The following ENTPD4 variants were observed in gnomAD, a reference collection of about 807,000 sequenced individuals.
The protein encoded by ENTPD4 is ectonucleoside triphosphate diphosphohydrolase 4.
In ENTPD4, 60 loss-of-function variants were observed where a neutral mutation model predicts 79.1. That is an observed-to-expected ratio of 0.76 (90% confidence interval 0.62 to 0.94). The LOEUF (loss-of-function observed/expected upper bound fraction) is 0.94, where lower values mean the gene tolerates loss of function less well. Among genes scored for constraint, ENTPD4 ranks in the 40% least tolerant of loss-of-function variants. ENTPD4 has a pLI of 0.00. For synonymous variants in ENTPD4, 276 were observed against 292.0 expected (o/e 0.95, Z 0.56); for missense variants, 772 against 775.1 (o/e 1.00, Z 0.05).
rs1473809612 is a variant in ENTPD4, at chr8:23,431,310, T to C, written c.*1616A>G. The stretch of plus-strand genomic sequence containing the variant: ...TCTGTTATAGCAACAACCCCACTTC[T>C]GGGTACTAATCTGCTACCAACTACA... On this transcript the variant is annotated 3_prime_UTR_variant, in exon 13 of 13. Transcript: ENST00000358689. The C allele has an allele frequency of 1.0e-6, 1 of 981,450 alleles. No individual in the cohort carries two copies. The highest frequency in any genetic ancestry group is 1.2e-6 in the Non-Finnish European group (1 of 826,434). The allele number at this position is 981,450 out of a possible 1,614,324, so 60.8% of individuals were successfully genotyped here.
chr8:23,436,451 G>A (rs966984935), intron 10 of ENTPD4, among the ~76,000 whole-genome samples: 2 of 152,092 alleles, frequency 1.3e-5, no homozygotes, highest in Non-Finnish European at 2.9e-5. Flanking sequence ...CCGGGCAGGG[G>A]TCAGGATTGG....
intron 11 of ENTPD4, 185 bp from the exon 12 acceptor site, chr8:23,434,663 A>G: frequency 7.0e-7 from 1 of 1,429,782 alleles, no homozygotes; most frequent in Non-Finnish European, 9.1e-7. Context: ...CCCTGGTCCC[A>G]CAACATGGAG....
intron 1 of ENTPD4, among the ~76,000 whole-genome samples, chr8:23,450,602 G>A (rs1267667971): frequency 1.3e-5 from 2 of 152,146 alleles, no homozygotes; most frequent in African/African-American, 2.4e-5. Flanking sequence ...CAGCTGTCTC[G>A]TCTGGTCTGC....
At chr8:23,441,428 TCTC>T in intron 8 of ENTPD4, 138 bp downstream of exon 8, 4 of 1,472,388 alleles carry the variant, frequency 2.7e-6, no homozygotes, top group Non-Finnish European at 3.6e-6. Flanking sequence ...GTTCGTCCTG[TCTC>T]CTTTCTCCTG....
intron 5 of ENTPD4, among the ~76,000 whole-genome samples, chr8:23,444,160 G>C (rs937459388): frequency 2.6e-5 from 4 of 152,126 alleles, no homozygotes; most frequent in African/African-American, 9.7e-5. Flanking sequence ...TGAATTATGT[G>C]ATTTCTAGAT....
intron 11 of ENTPD4, 78 bp from the exon 12 acceptor site, chr8:23,434,556 C>T (rs987286767): frequency 1.9e-6 from 3 of 1,568,542 alleles, no homozygotes; most frequent in Admixed American, 1.8e-5. Context: ...CACACACAAT[C>T]CTTCCCTCTG....
At chr8:23,435,658 C>T (rs1800544412) in intron 10 of ENTPD4, among the ~76,000 whole-genome samples, 181 bp from the exon 11 acceptor site, 1 of 152,204 alleles carries the variant, frequency 6.6e-6, no homozygotes. Flanking sequence ...TACTGATTCG[C>T]AAACACAATG....
At chr8:23,436,476 A>G (rs959890343) in intron 10 of ENTPD4, among the ~76,000 whole-genome samples, 13 of 152,076 alleles carry the variant, frequency 8.5e-5, no homozygotes, top group South Asian at 2.1e-4. Flanking sequence ...TCTTCTTGAG[A>G]GGCAGCAGCA....
At position 23,434,361 on chromosome 8, in the gene ENTPD4, C is replaced by T; in HGVS notation, c.1578G>A (p.Trp526Ter). Residue 526 changes from tryptophan (W) to a stop codon, truncating the protein, a stop_gained, in exon 12 of 13, where the codon TGG becomes TGA. Coordinates refer to ENST00000358689, the MANE Select transcript of ENTPD4 (RefSeq NM_004901.5). LOFTEE classifies it high-confidence loss of function. The stretch of plus-strand genomic sequence containing the variant: ...TCCTGTAGAGGATGGCTCCAAGGGT[C>T]CACTGAACCTCCTTGTCGTAAACTT... ...ALQVYDKEVQ[W>*]TLGAILYRTR... 1 of 1,614,204 alleles carries T rather than the reference C, an allele frequency of 6.2e-7. No homozygotes were observed. The highest frequency in any genetic ancestry group is 8.5e-7 in the Non-Finnish European group (1 of 1,180,034).
Position 23,441,054 on chromosome 8 carries a change from G to A in ENTPD4, c.882+515C>T, listed in dbSNP as rs554134353. ...CAGAAATACATCTGGAAACCGTGCC[G>A]GGGTTCTCTAGACAAGGCTGCCCAG... On this transcript the variant is annotated intron_variant, in intron 8 of 12. Coordinates refer to ENST00000358689, the MANE Select transcript of ENTPD4 (RefSeq NM_004901.5). Among the ~76,000 whole-genome samples the A allele has an allele frequency of 3.9e-5, 6 of 152,318 alleles. No individual in the cohort carries two copies. The South Asian group carries it at 6.2e-4, about 16-fold the overall frequency.
chr8:23,430,158 T>TA lies in ENTPD4; in HGVS notation c.*2767dup. The stretch of plus-strand genomic sequence containing the variant: ...TGTCTCTCACCCACCCTGTATCTCT[T>TA]AGAGAAAGCACCTGGCTGTCTTCAC... On this transcript the variant is annotated 3_prime_UTR_variant, in exon 13 of 13. Transcript: ENST00000358689. 5.1e-6 allele frequency: 5 copies of TA among 985,460 alleles called. No individual in the cohort carries two copies. The highest frequency in any genetic ancestry group is 6.0e-6 in the Non-Finnish European group (5 of 829,940). The allele number at this position is 985,460 out of a possible 1,614,324, so 61.0% of individuals were successfully genotyped here. A position where few individuals can be genotyped will look rare whatever the true frequency, so the allele number is the denominator to read the frequency against.
Position 23,432,305 on chromosome 8 carries a change from C to G in ENTPD4, c.*621G>C. On this transcript the variant is annotated 3_prime_UTR_variant, in exon 13 of 13. Coordinates refer to ENST00000358689, the MANE Select transcript of ENTPD4 (RefSeq NM_004901.5). Reference sequence around the variant, plus strand: ...CTCTCCACTGACAGAATGCATCTTTCCACCTCCCTCCAGTATCAAAGTGCA... The same window carrying G: ...CTCTCCACTGACAGAATGCATCTTTGCACCTCCCTCCAGTATCAAAGTGCA... 1.0e-6 allele frequency: 1 copy of G among 985,406 alleles called. No individual in the cohort carries two copies. The highest frequency in any genetic ancestry group is 1.2e-6 in the Non-Finnish European group (1 of 829,932). The allele number at this position is 985,406 out of a possible 1,614,324, so 61.0% of individuals were successfully genotyped here.
intron 9 of ENTPD4, among the ~76,000 whole-genome samples, chr8:23,438,620 C>T (rs937180747): frequency 7.9e-5 from 12 of 152,078 alleles, no homozygotes; most frequent in Non-Finnish European, 1.6e-4. Flanking sequence ...ACATTAAAAC[C>T]AATGAGTAAA....
At chr8:23,437,351 G>A (rs1461537158) in intron 9 of ENTPD4, 93 bp from the exon 10 acceptor site, 2 of 935,446 alleles carry the variant, frequency 2.1e-6, no homozygotes, top group Non-Finnish European at 3.2e-6. Context: ...AATACGCTCT[G>A]TGGGACATGA....
At chr8:23,434,128 A>C in intron 12 of ENTPD4, 189 bp downstream of exon 12, 1 of 652,384 alleles carries the variant, frequency 1.5e-6, no homozygotes, top group African/African-American at 1.8e-5. Context: ...ACGGGATGGT[A>C]GGGTGAGAAG....
chr8:23,447,360 G>A (rs901601638), intron 4 of ENTPD4, among the ~76,000 whole-genome samples: 9 of 152,176 alleles, frequency 5.9e-5, no homozygotes, highest in Admixed American at 3.3e-4. Flanking sequence ...TAAGGATAGA[G>A]ACCAATGGTT....
intron 10 of ENTPD4, among the ~76,000 whole-genome samples, chr8:23,435,987 C>T (rs1315645183): frequency 6.6e-6 from 1 of 152,162 alleles, no homozygotes; most frequent in Non-Finnish European, 1.5e-5. Flanking sequence ...TAATACTTAA[C>T]TCCTCGAGGT....
intron 1 of ENTPD4, among the ~76,000 whole-genome samples, chr8:23,456,384 C>G (rs1800958652): frequency 1.3e-5 from 2 of 152,224 alleles, no homozygotes; most frequent in Admixed American, 1.3e-4. Flanking sequence ...TAACCTGTTA[C>G]ACATCCTGAT....
Position 23,429,847 on chromosome 8 carries a change from A to G in ENTPD4, c.*3079T>C, listed in dbSNP as rs139666539. 2.0e-3 allele frequency: 2,013 copies of G among 985,462 alleles called. 36 individuals carry two copies. In the African/African-American group the frequency reaches 0.033, roughly 16 times the overall value. 61.0% of individuals were successfully genotyped at this position (985,462 alleles called of 1,614,324 possible). A position where few individuals can be genotyped will look rare whatever the true frequency, so the allele number is the denominator to read the frequency against. ...GAACATGGGCAAAAAGCACTGGTAC[A>G]GTTCCATGTGTTTCTCTTCTACTGT... On this transcript the variant is annotated 3_prime_UTR_variant, in exon 13 of 13. Coordinates refer to ENST00000358689, the MANE Select transcript of ENTPD4 (RefSeq NM_004901.5).
Sources: gnomAD v4.1 joint callset for allele counts (sites outside exome capture counted in the v4.1 genomes callset) on GRCh38, gnomAD v4.1.1 for gene constraint, MANE v1.5 for transcripts, NCBI Gene and HGNC (gene_info 2026-07-23, HGNC 2026-07-21) for gene names.